PCDHA6: variants seen among roughly 807,000 people sequenced by gnomAD.
PCDHA6 encodes the protein protocadherin alpha-6.
Under a neutral mutation model 60.3 loss-of-function variants are expected in PCDHA6, and 55 were observed. The observed-to-expected ratio is 0.91, with a 90% CI of 0.73 to 1.14. PCDHA6 has a LOEUF of 1.14. Ranked by LOEUF, PCDHA6 falls within the 50% of genes most tolerant of loss-of-function variation. The pLI, the probability that PCDHA6 is intolerant of heterozygous loss-of-function variation, is 0.00. For missense variants in PCDHA6, 1,327 were observed against 1,256.5 expected (o/e 1.06, Z -0.85); for synonymous variants, 652 against 557.9 (o/e 1.17, Z -2.38).
chr5:140,974,330 A>G (rs542172748), intron 1 of PCDHA6, among the ~76,000 whole-genome samples: 1 of 152,346 alleles, frequency 6.6e-6, no homozygotes, highest in African/African-American at 2.4e-5. Flanking sequence ...CTGCTGTGCT[A>G]GCAGGCTATG....
At chr5:140,980,448 G>A (rs1333028932) in intron 2 of PCDHA6, among the ~76,000 whole-genome samples, 7 of 152,122 alleles carry the variant, frequency 4.6e-5, no homozygotes, top group African/African-American at 9.7e-5. Flanking sequence ...TGGACAACAC[G>A]GTGAAACCCT....
intron 1 of PCDHA6, among the ~76,000 whole-genome samples, chr5:140,971,015 G>C (rs1425390222): frequency 6.6e-6 from 1 of 152,228 alleles, no homozygotes; most frequent in Non-Finnish European, 1.5e-5. Flanking sequence ...GAAGTCTTTA[G>C]ATCGTAGCAT....
At chr5:140,985,783 A>G (rs1587112463) in intron 3 of PCDHA6, among the ~76,000 whole-genome samples, 1 of 125,324 alleles carries the variant, frequency 8.0e-6, no homozygotes, top group Non-Finnish European at 1.6e-5. Context: ...TCTGTCGCCC[A>G]GGCTGGAGTG....
At chr5:140,956,551 C>T (rs995941205) in intron 1 of PCDHA6, among the ~76,000 whole-genome samples, 1 of 152,148 alleles carries the variant, frequency 6.6e-6, no homozygotes, top group Non-Finnish European at 1.5e-5. Context: ...ATTTGGTTTG[C>T]CAGTATCTTA....
At chr5:140,868,967 A>C (rs2050769969) in intron 1 of PCDHA6, 2 of 1,435,752 alleles carry the variant, frequency 1.4e-6, no homozygotes, top group South Asian at 1.4e-5. Flanking sequence ...ATACAAAGGA[A>C]CTCCATCATA....
intron 1 of PCDHA6, among the ~76,000 whole-genome samples, chr5:140,975,398 TCA>T (rs1554236785): frequency 1.3e-4 from 20 of 152,270 alleles, no homozygotes. Flanking sequence ...TCCATCACAA[TCA>T]CAGTCTTGGA....
chr5:140,852,008 A>G (rs566042388), intron 1 of PCDHA6: 1 of 972,776 alleles, frequency 1.0e-6, no homozygotes, highest in South Asian at 4.8e-5. Flanking sequence ...TTTCTAATTT[A>G]TAGTTTTAAA....
At chr5:140,869,617 C>T (rs782525218) in intron 1 of PCDHA6, 3 of 1,613,828 alleles carry the variant, frequency 1.9e-6, no homozygotes, top group Non-Finnish European at 2.5e-6. Context: ...GACCTACAGG[C>T]TAAGTAAAAA....
intron 1 of PCDHA6, chr5:140,871,263 G>C: frequency 6.2e-7 from 1 of 1,614,010 alleles, no homozygotes; most frequent in Non-Finnish European, 8.5e-7. Context: ...ATACGGCGCT[G>C]TGGTGGTCGG....
intron 1 of PCDHA6, chr5:140,884,546 T>C (rs1554181711): frequency 6.2e-7 from 1 of 1,614,082 alleles, no homozygotes; most frequent in Non-Finnish European, 8.5e-7. Flanking sequence ...GAGGGTGTGC[T>C]CTGGGGAGGG....
intron 1 of PCDHA6, among the ~76,000 whole-genome samples, chr5:140,913,101 T>C (rs1352707377): frequency 5.9e-5 from 9 of 152,200 alleles, no homozygotes; most frequent in Non-Finnish European, 1.0e-4. Flanking sequence ...ACTGGCCTCA[T>C]AGAATCAGTT....
intron 1 of PCDHA6, among the ~76,000 whole-genome samples, chr5:140,957,371 T>G (rs1465346844): frequency 3.3e-5 from 5 of 152,206 alleles, no homozygotes; most frequent in Non-Finnish European, 7.4e-5. Context: ...AAACTTTTAT[T>G]ATAGTGTATT....
chr5:140,843,258 G>A, intron 1 of PCDHA6: 1 of 1,596,068 alleles, frequency 6.3e-7, no homozygotes, highest in Middle Eastern at 1.7e-4. Context: ...CCGCGCCACC[G>A]TCTGCTGGTC....
At chr5:140,927,436 T>A (rs776039540) in intron 1 of PCDHA6, 1 of 1,614,132 alleles carries the variant, frequency 6.2e-7, no homozygotes, top group Non-Finnish European at 8.5e-7. Context: ...CGGCAGCGAA[T>A]ACCCGGAGTT....
chr5:140,849,872 G>C, intron 1 of PCDHA6: 1 of 1,598,650 alleles, frequency 6.3e-7, no homozygotes, highest in Non-Finnish European at 8.6e-7. Flanking sequence ...CGCAGTCCGA[G>C]TACACGGTGT....
chr5:140,856,877 A>G, intron 1 of PCDHA6: 1 of 1,595,914 alleles, frequency 6.3e-7, no homozygotes, highest in Non-Finnish European at 8.6e-7. Flanking sequence ...CAAGGAAATG[A>G]TGTATTCATT....
intron 2 of PCDHA6, among the ~76,000 whole-genome samples, chr5:140,979,396 G>C (rs2096848299): frequency 6.6e-6 from 1 of 151,692 alleles, no homozygotes; most frequent in South Asian, 2.1e-4. Flanking sequence ...ATACATACAT[G>C]TTGTCTACCT....
rs1251484030 is a variant in PCDHA6, at chr5:140,848,856, G to A, written c.2394+18371G>A. ...GCCGCTGCAGGTTTTCCATGTGGAC[G>A]TGGAGGTGAAGGACATTAACGACAA... On this transcript the variant is annotated intron_variant, in intron 1 of 3. Coordinates refer to ENST00000529310, the MANE Select transcript of PCDHA6 (RefSeq NM_018909.4). 7.5e-6 allele frequency: 12 copies of A among 1,590,572 alleles called. 2 individuals carry two copies. Among genetic ancestry groups the A allele is most frequent in the African/African-American group, 4.1e-5 (3 of 73,826 alleles).
chr5:140,911,420 C>T (rs1411930717), intron 1 of PCDHA6, among the ~76,000 whole-genome samples: 1 of 152,134 alleles, frequency 6.6e-6, no homozygotes, highest in Non-Finnish European at 1.5e-5. Context: ...ATGATAAGAA[C>T]TTGTGTCCAA....
Sources: allele counts gnomAD v4.1 joint callset (sites outside exome capture counted in the v4.1 genomes callset), GRCh38; gene constraint gnomAD v4.1.1; transcripts MANE v1.5; gene names NCBI Gene and HGNC (gene_info 2026-07-23, HGNC 2026-07-21).